The following PGAM5 variants were observed in gnomAD, a reference collection of about 807,000 sequenced individuals.
The protein encoded by PGAM5 is PGAM family member 5, mitochondrial serine/threonine protein phosphatase, also known as serine/threonine-protein phosphatase PGAM5, mitochondrial.
In PGAM5, 25 loss-of-function variants were observed where a neutral mutation model predicts 30.6. That is an observed-to-expected ratio of 0.82 (90% CI 0.60 to 1.14). The LOEUF (loss-of-function observed/expected upper bound fraction) is 1.14. Among genes scored for constraint, PGAM5 ranks in the 50% most tolerant of loss-of-function variants. The probability of loss-of-function intolerance (pLI) is 0.00; values close to 1 mark genes in which losing one functional copy is unlikely to be tolerated. For missense variants in PGAM5, 384 were observed against 408.5 expected (o/e 0.94, Z 0.52); for synonymous variants, 201 against 179.1 (o/e 1.12, Z -0.98).
chr12:132,718,722 GACCA>G, intron 5 of PGAM5: 1 of 1,609,758 alleles, frequency 6.2e-7, no homozygotes, highest in Non-Finnish European at 8.5e-7. Flanking sequence ...CCTCAAACTC[GACCA>G]ACCACCTTCT....
chr12:132,718,774 G>A (rs768134806), intron 5 of PGAM5: 3 of 1,613,580 alleles, frequency 1.9e-6, no homozygotes, highest in Non-Finnish European at 2.5e-6. Flanking sequence ...TCCCGCCGCT[G>A]TTGTCCGCTG....
At chr12:132,711,127 T>G in intron 1 of PGAM5, 60 bp downstream of exon 1, 1 of 1,145,194 alleles carries the variant, frequency 8.7e-7, no homozygotes. Context: ...GTGTTACCGT[T>G]GGGATCGAGA....
intron 2 of PGAM5, among the ~76,000 whole-genome samples, chr12:132,717,136 C>T (rs2043585874): frequency 6.6e-6 from 1 of 152,210 alleles, no homozygotes; most frequent in Non-Finnish European, 1.5e-5. Flanking sequence ...GCGCCAGCCA[C>T]CATCCGGTTT....
intron 5 of PGAM5, chr12:132,719,088 G>C: frequency 2.1e-6 from 3 of 1,399,796 alleles, no homozygotes; most frequent in Non-Finnish European, 2.8e-6. Flanking sequence ...CCCTTGGGGG[G>C]CAGGGCCAGC....
chr12:132,714,817 GA>G, intron 1 of PGAM5, 40 bp from the exon 2 acceptor site: 1 of 1,596,442 alleles, frequency 6.3e-7, no homozygotes, highest in Non-Finnish European at 8.6e-7. Context: ...TCAAACTTGG[GA>G]ACAGAGGTCT....
intron 5 of PGAM5, chr12:132,719,170 T>C (rs2043618890): frequency 8.1e-7 from 1 of 1,229,620 alleles, no homozygotes; most frequent in Non-Finnish European, 1.0e-6. Context: ...GAAACAAATT[T>C]GCCTCTTCTC....
Position 132,710,880 on chromosome 12 carries a change from G to A in PGAM5, c.4G>A (p.Ala2Thr), listed in dbSNP as rs2043514108. 8.8e-7 allele frequency: 1 copy of A among 1,134,206 alleles called. No individual in the cohort carries two copies. Among genetic ancestry groups the A allele is most frequent in the African/African-American group, 1.6e-5 (1 of 60,642 alleles). 70.3% of individuals were successfully genotyped at this position (1,134,206 alleles called of 1,614,324 possible). A position where few individuals can be genotyped will look rare whatever the true frequency, so the allele number is the denominator to read the frequency against. The change falls in exon 1 of 6, where the codon GCG (alanine) becomes ACG (threonine). Residue 2 changes from alanine to threonine, a missense_variant. Ala to Thr is a moderately conservative substitution (Grantham distance 58, BLOSUM62 0). Coordinates refer to ENST00000498926, the MANE Select transcript of PGAM5 (RefSeq NM_001170543.2). ...GGCCGGCGCGGGAGCAAGCGGCATGGCGTTCCGGCAGGCGCTGCAGCTGGC... is the reference window on the plus strand; with the variant it reads ...GGCCGGCGCGGGAGCAAGCGGCATGACGTTCCGGCAGGCGCTGCAGCTGGC... M[A>T]FRQALQLAAC...
rs956572580 is a variant in PGAM5 at position 132,721,103 on chromosome 12, A to T, written c.*275A>T. 3.3e-6 allele frequency: 1 copy of T among 299,858 alleles called. No homozygotes were observed. Among genetic ancestry groups the T allele is most frequent in the African/African-American group, 2.1e-5 (1 of 46,516 alleles). 18.6% of individuals were successfully genotyped at this position (299,858 alleles called of 1,614,324 possible). On this transcript the variant is annotated 3_prime_UTR_variant, in exon 6 of 6. Transcript: ENST00000498926. ...GTTGTGGGGACTTGAAAGAGGCCTG[A>T]CCCAGACCACCATGTTCGCACCCAC...
At chr12:132,717,236 C>T (rs560357648) in intron 2 of PGAM5, among the ~76,000 whole-genome samples, 4 of 150,554 alleles carry the variant, frequency 2.7e-5, no homozygotes, top group African/African-American at 9.9e-5. Context: ...GCCCAAGCCT[C>T]GGGCGGGCAG....
At chr12:132,719,912 CT>C (rs1364223728) in intron 5 of PGAM5, among the ~76,000 whole-genome samples, 4 of 152,232 alleles carry the variant, frequency 2.6e-5, no homozygotes, top group African/African-American at 9.6e-5. Flanking sequence ...CATCTCCGTT[CT>C]TTGCTTTCCC....
Position 132,718,071 on chromosome 12 carries a change from T to TA in PGAM5, c.671dup (p.Tyr224Ter), listed in dbSNP as rs2043601303. 3 of 1,612,788 alleles carry TA rather than the reference T, an allele frequency of 1.9e-6. No individual in the cohort carries two copies. The highest frequency in any genetic ancestry group is 1.7e-6 in the Non-Finnish European group (2 of 1,179,956). The change falls in exon 5 of 6, where the codon TAC becomes TAAC. Residue 224 changes from tyrosine to a stop codon, truncating the protein, a stop_gained and frameshift_variant. Coordinates refer to ENST00000498926, the MANE Select transcript of PGAM5 (RefSeq NM_001170543.2). LOFTEE classifies it high-confidence loss of function. ...AGATGCCAGGCAGGAGGAGGACAGT[T>TA]ACGAGATCTTCATCTGTCACGCCAA... ...RADARQEEDSYEIFICHANVI... is the reference protein window; with the variant it reads ...RADARQEEDS
At chr12:132,718,633 G>A in intron 5 of PGAM5, 1 of 933,042 alleles carries the variant, frequency 1.1e-6, no homozygotes, top group East Asian at 2.6e-5. Flanking sequence ...GTGCTGGGTG[G>A]GGGGTCCTGG....
Position 132,714,944 on chromosome 12 carries a change from A to G in PGAM5, c.278A>G (p.Lys93Arg). 4 of 1,613,600 alleles carry G rather than the reference A, an allele frequency of 2.5e-6. No homozygotes were observed. The highest frequency in any genetic ancestry group is 3.4e-6 in the Non-Finnish European group (4 of 1,179,980). ...EELASKLDHY[K>R]AKATRHIFLI... ...CTGGCGTCCAAGCTGGACCACTACAAAGCCAAGGCCACGCGGCACATCTTC... is the reference window on the plus strand; with the variant it reads ...CTGGCGTCCAAGCTGGACCACTACAGAGCCAAGGCCACGCGGCACATCTTC... Residue 93 changes from lysine to arginine, a missense_variant, in exon 2 of 6, where the codon AAA becomes AGA. Transcript: ENST00000498926.
At chr12:132,715,080 T>C in intron 2 of PGAM5, 44 bp downstream of exon 2, 7 of 1,499,636 alleles carry the variant, frequency 4.7e-6, no homozygotes, top group East Asian at 5.2e-5. Flanking sequence ...CGTGGTTATG[T>C]GGCCAGGTGC....
intron 5 of PGAM5, among the ~76,000 whole-genome samples, chr12:132,719,657 C>T (rs1006677954): frequency 2.0e-5 from 3 of 152,202 alleles, no homozygotes; most frequent in Non-Finnish European, 4.4e-5. Context: ...AGAGTGGAGC[C>T]GACCTGAGTC....
chr12:132,716,251 A>AT (rs993418958), intron 2 of PGAM5, among the ~76,000 whole-genome samples: 7 of 151,768 alleles, frequency 4.6e-5, no homozygotes, highest in Admixed American at 3.9e-4. Flanking sequence ...ACTCCCAGCT[A>AT]TTTTTTTGTA....
At chr12:132,717,945 C>T (rs1380962605) in intron 4 of PGAM5, 42 bp from the exon 5 acceptor site, 1 of 1,609,938 alleles carries the variant, frequency 6.2e-7, no homozygotes, top group Non-Finnish European at 8.5e-7. Context: ...ACCCGCCCTG[C>T]CCGAGCACTT....
intron 2 of PGAM5, among the ~76,000 whole-genome samples, chr12:132,717,074 TTGAG>T (rs775158280): frequency 2.8e-4 from 43 of 152,172 alleles, no homozygotes; most frequent in Non-Finnish European, 5.3e-4. Flanking sequence ...TTGGACACAG[TTGAG>T]TGAGGGTGAC....
chr12:132,717,041 TGGG>T (rs2043584994), intron 2 of PGAM5, among the ~76,000 whole-genome samples: 1 of 152,190 alleles, frequency 6.6e-6, no homozygotes, highest in Admixed American at 6.5e-5. Flanking sequence ...GGCGCGTGGT[TGGG>T]GGCCTGTGAG....
Sources: gnomAD v4.1 joint callset for allele counts (sites outside exome capture counted in the v4.1 genomes callset) on GRCh38, gnomAD v4.1.1 for gene constraint, MANE v1.5 for transcripts, NCBI Gene and HGNC (gene_info 2026-07-23, HGNC 2026-07-21) for gene names.